RASEF: variants seen among roughly 807,000 people sequenced by gnomAD.
RASEF encodes ras and EF-hand domain-containing protein.
A neutral mutation model predicts 90.1 loss-of-function variants in RASEF; 68 were observed. That is an observed-to-expected ratio of 0.75 (90% CI 0.62 to 0.92). The LOEUF (loss-of-function observed/expected upper bound fraction) is 0.92. Ranked by LOEUF, RASEF falls within the 40% of genes least tolerant of loss-of-function variation. The pLI is 0.00. For synonymous variants in RASEF, 331 were observed against 345.2 expected (o/e 0.96, Z 0.46); for missense variants, 949 against 937.2 (o/e 1.01, Z -0.16).
intron 1 of RASEF, chr9:83,055,302 G>A (rs1355751668): frequency 7.7e-5 from 28 of 364,124 alleles, no homozygotes; most frequent in Non-Finnish European, 1.3e-4. Flanking sequence ...GGAGTGACCC[G>A]ATTTTCCAGG....
the RASEF span, among the ~76,000 whole-genome samples, chr9:83,082,716 C>A: frequency 6.6e-6 from 1 of 152,138 alleles, no homozygotes; most frequent in South Asian, 2.1e-4. Context: ...TTCAAGGCTA[C>A]AATGGAGTAA....
the RASEF span, among the ~76,000 whole-genome samples, chr9:83,130,985 C>A: frequency 6.6e-6 from 1 of 152,210 alleles, no homozygotes; most frequent in South Asian, 2.1e-4. Context: ...GCTTCAGGTT[C>A]TGGTTTTAGC....
intron 1 of RASEF, among the ~76,000 whole-genome samples, chr9:83,033,008 G>C (rs1435908929): frequency 6.6e-6 from 1 of 152,024 alleles, no homozygotes; most frequent in Non-Finnish European, 1.5e-5. Flanking sequence ...GATCCAGTAG[G>C]GTGCTTAGGA....
intron 13 of RASEF, among the ~76,000 whole-genome samples, chr9:82,997,837 C>A (rs147749311): frequency 1.4e-4 from 21 of 152,228 alleles, no homozygotes; most frequent in African/African-American, 5.1e-4. Context: ...AGGCAGGCAC[C>A]CCATACTTAC....
chr9:83,075,527 GA>G, the RASEF span, among the ~76,000 whole-genome samples: 1 of 152,086 alleles, frequency 6.6e-6, no homozygotes, highest in African/African-American at 2.4e-5. Flanking sequence ...AGCTGCTTAG[GA>G]CACACCTTTT....
At position 83,045,852 on chromosome 9, in the gene RASEF, GC is replaced by G. The variant is rs199747030; in HGVS notation, c.431+16584del. 9.0e-3 allele frequency among the ~76,000 whole-genome samples: 1,367 copies of G among 152,254 alleles called. 11 individuals carry two copies. The highest frequency in any genetic ancestry group is 0.034 in the Middle Eastern group (10 of 294). On this transcript the variant is annotated intron_variant, in intron 1 of 16. Transcript: ENST00000376447. ...GTCCATTAACAGCTGCACACAGCAG[GC>G]TACAGAGGAATGCAGTGTGGACCTG...
At chr9:83,033,542 G>A (rs991026097) in intron 1 of RASEF, among the ~76,000 whole-genome samples, 4 of 152,180 alleles carry the variant, frequency 2.6e-5, no homozygotes, top group African/African-American at 9.7e-5. Flanking sequence ...GGAGCCCGAT[G>A]AGCACATCCT....
At position 83,015,900 on chromosome 9, in the gene RASEF, C is replaced by G; in HGVS notation, c.670G>C (p.Glu224Gln). ...QAAEHKTRKD[E>Q]KRKAEEALSD... ...AGGGCTTCCTCAGCTTTGCGTTTTT[C>G]CTAAAAGAAAAAAAAATATGTTGTT... Residue 224 changes from glutamate (E) to glutamine (Q), a missense_variant and splice_region_variant, in exon 4 of 17, where the codon GAA (glutamate) becomes CAA (glutamine). By Grantham distance (29) the Glu-to-Gln change is conservative (BLOSUM62 2). Around this residue, in one of 3 missense-constraint regions of RASEF, gnomAD observed 656 missense variants for 592.2 expected, o/e 1.11. Transcript: ENST00000376447. 6.2e-7 allele frequency: 1 copy of G among 1,609,614 alleles called. No homozygotes were observed.
chr9:83,116,706 C>T, the RASEF span, among the ~76,000 whole-genome samples: 1 of 152,144 alleles, frequency 6.6e-6, no homozygotes, highest in Non-Finnish European at 1.5e-5. Flanking sequence ...AGAAAATACA[C>T]AAATTTCTCA....
chr9:83,113,239 G>C, the RASEF span, among the ~76,000 whole-genome samples: 10 of 152,182 alleles, frequency 6.6e-5, no homozygotes, highest in East Asian at 1.9e-3. Context: ...AACATAAATT[G>C]TGAAGATTTC....
the RASEF span, among the ~76,000 whole-genome samples, chr9:83,102,384 C>T: frequency 2.5e-3 from 381 of 152,294 alleles, 3 homozygotes; most frequent in African/African-American, 8.7e-3. Context: ...AAAGGCAAAA[C>T]CTCATCTTGC....
chr9:83,189,582 A>T, the RASEF span, among the ~76,000 whole-genome samples: 2 of 152,202 alleles, frequency 1.3e-5, no homozygotes, highest in Non-Finnish European at 2.9e-5. Context: ...TGTAATCCCA[A>T]TTCAACATGG....
chr9:83,179,093 C>T, the RASEF span, among the ~76,000 whole-genome samples: 123,728 of 152,168 alleles, frequency 0.81, 50,498 homozygotes, highest in Middle Eastern at 0.91. Flanking sequence ...TTTATTTTCA[C>T]AGTACTTATA....
In RASEF at chr9:83,062,394, G is replaced by A. The variant is rs1830223460; in HGVS notation, c.431+43C>T. 8.1e-6 allele frequency: 13 copies of A among 1,597,652 alleles called. No individual in the cohort carries two copies. In the East Asian group the frequency reaches 2.0e-4, roughly 25 times the overall value. ...GCAAGTAAGTGGGAAGAAGCAAGCA[G>A]GAAGCGCCAGAATAACCTCCCGCCC... On this transcript the variant is annotated intron_variant, in intron 1 of 16. Transcript: ENST00000376447.
chr9:83,212,369 T>C, the RASEF span, among the ~76,000 whole-genome samples: 2 of 152,244 alleles, frequency 1.3e-5, no homozygotes, highest in Admixed American at 6.5e-5. Context: ...GCTCAAGTTG[T>C]ATTTTTAGAA....
chr9:83,080,096 A>G, the RASEF span, among the ~76,000 whole-genome samples: 3 of 152,226 alleles, frequency 2.0e-5, no homozygotes, highest in Non-Finnish European at 4.4e-5. Flanking sequence ...ATTCAGTACC[A>G]CATTTGTGCC....
At chr9:83,134,719 CG>C in the RASEF span, among the ~76,000 whole-genome samples, 1 of 152,056 alleles carries the variant, frequency 6.6e-6, no homozygotes, top group Non-Finnish European at 1.5e-5. Flanking sequence ...ATATTAAACA[CG>C]GAGTTATCAT....
Position 83,025,836 on chromosome 9 carries a change from A to C in RASEF, c.517T>G (p.Phe173Val). Residue 173 changes from phenylalanine (F) to valine (V), a missense_variant, in exon 2 of 17, where the codon TTC (phenylalanine) becomes GTC (valine). Coordinates refer to ENST00000376447, the MANE Select transcript of RASEF (RefSeq NM_152573.4). Reference sequence around the variant, plus strand: ...CTTTGAAGTCTGATCTCACGGATGAAGTTCTTTATAACATGTTCATATGGC... The same window carrying C: ...CTTTGAAGTCTGATCTCACGGATGACGTTCTTTATAACATGTTCATATGGC... ...IQPYEHVIKN[F>V]IREIRLQSTE... 6.2e-7 allele frequency: 1 copy of C among 1,613,950 alleles called. No individual in the cohort carries two copies. Among genetic ancestry groups the C allele is most frequent in the Non-Finnish European group, 8.5e-7 (1 of 1,179,886 alleles).
intron 1 of RASEF, among the ~76,000 whole-genome samples, chr9:83,038,400 C>T (rs1388874755): frequency 6.6e-6 from 1 of 152,074 alleles, no homozygotes; most frequent in Non-Finnish European, 1.5e-5. Context: ...GAAGAGTCAA[C>T]TGCTGATGTC....
Sources: allele counts gnomAD v4.1 joint callset (sites outside exome capture counted in the v4.1 genomes callset), GRCh38; gene constraint gnomAD v4.1.1; regional missense constraint gnomAD v4.1.1; transcripts MANE v1.5; gene names NCBI Gene and HGNC (gene_info 2026-07-23, HGNC 2026-07-21).